The following YTHDC2 variants were observed in gnomAD, a reference collection of about 807,000 sequenced individuals.
YTHDC2 encodes the protein YTH N6-methyladenosine RNA binding protein C2.
YTHDC2 carries 45 observed loss-of-function variants against 174.9 expected under a neutral mutation model. That is an observed-to-expected ratio of 0.26 (90% confidence interval 0.20 to 0.33). YTHDC2 has a LOEUF of 0.33. Among genes scored for constraint, YTHDC2 ranks in the 10% least tolerant of loss-of-function variants. YTHDC2 has a pLI of 1.00. For synonymous variants in YTHDC2, 657 were observed against 574.5 expected, an observed-to-expected ratio of 1.14 and a Z score of -2.05; for missense variants, 1,650 against 1,723.7, an observed-to-expected ratio of 0.96 and a Z score of 0.76.
intron 8 of YTHDC2, among the ~76,000 whole-genome samples, chr5:113,540,268 A>C (rs1331281291): frequency 6.6e-6 from 1 of 152,218 alleles, no homozygotes; most frequent in Admixed American, 6.5e-5. Flanking sequence ...GGTTTTCTAC[A>C]AAGTGCTGTA....
intron 1 of YTHDC2, 197 bp downstream of exon 1, chr5:113,514,279 C>T: frequency 1.4e-6 from 1 of 725,126 alleles, no homozygotes; most frequent in Non-Finnish European, 2.5e-6. Flanking sequence ...ATGCGAGGTG[C>T]TCTGCGGATC....
chr5:113,556,069 G>T lies in YTHDC2; in HGVS notation c.2151G>T (p.Leu717=). The T allele has an allele frequency of 6.2e-7, 1 of 1,604,160 alleles. No individual in the cohort carries two copies. Among genetic ancestry groups the T allele is most frequent in the Non-Finnish European group, 8.5e-7 (1 of 1,172,550 alleles). The change falls in exon 17 of 30, where the codon CTG becomes CTT. Residue 717 remains leucine, a synonymous_variant. Transcript: ENST00000161863. ...GKVKEKSFDA[L]NFVTMLKMVW... ...TATTACAGAAATCCTTTGATGCTCT[G>T]AATTTTGTTACAATGTTAAAAATGG...
Position 113,561,094 on chromosome 5 carries a change from G to T in YTHDC2, c.2231G>T (p.Arg744Ile). ...IQRKGRAGRCRPGICFRLFSR... is the reference protein window; with the variant it reads ...IQRKGRAGRCIPGICFRLFSR... ...TTATTTTTAAGGGCAGGGCGATGTA[G>T]ACCTGGAATTTGTTTTCGTCTGTTC... The change falls in exon 18 of 30, where the codon AGA becomes ATA. Residue 744 changes from arginine to isoleucine, a missense_variant. By Grantham distance (97) the Arg-to-Ile change is moderately conservative. Coordinates refer to ENST00000161863, the MANE Select transcript of YTHDC2 (RefSeq NM_022828.5). 6.2e-7 allele frequency: 1 copy of T among 1,608,298 alleles called. No individual in the cohort carries two copies. Among genetic ancestry groups the T allele is most frequent in the Non-Finnish European group, 8.5e-7 (1 of 1,176,636 alleles).
intron 24 of YTHDC2, 32 bp downstream of exon 24, chr5:113,579,727 C>A: frequency 6.4e-7 from 1 of 1,560,750 alleles, no homozygotes; most frequent in Non-Finnish European, 8.7e-7. Context: ...TAATAAATTT[C>A]TTTCATTCAG....
At chr5:113,548,182 G>T (rs1251567512) in intron 10 of YTHDC2, among the ~76,000 whole-genome samples, 2 of 152,118 alleles carry the variant, frequency 1.3e-5, no homozygotes, top group South Asian at 4.1e-4. Flanking sequence ...ATTATGTCTT[G>T]TCATTTGGTG....
At chr5:113,570,146 G>T (rs778074885) in intron 23 of YTHDC2, among the ~76,000 whole-genome samples, 3 of 151,740 alleles carry the variant, frequency 2.0e-5, no homozygotes, top group Non-Finnish European at 2.9e-5. Flanking sequence ...ACCCAGGCTG[G>T]AGTGCAGTGG....
At chr5:113,585,946 A>G (rs1418094324) in intron 26 of YTHDC2, among the ~76,000 whole-genome samples, 1 of 152,006 alleles carries the variant, frequency 6.6e-6, no homozygotes, top group African/African-American at 2.4e-5. Flanking sequence ...AAAGTTGCTA[A>G]CATTGTACTA....
chr5:113,545,162 T>C (rs1431314766), intron 10 of YTHDC2, among the ~76,000 whole-genome samples: 1 of 152,204 alleles, frequency 6.6e-6, no homozygotes, highest in Non-Finnish European at 1.5e-5. Flanking sequence ...TTGAGGTGTC[T>C]GGGTCAATTA....
chr5:113,585,650 T>A (rs933592745), intron 26 of YTHDC2, among the ~76,000 whole-genome samples: 4 of 151,870 alleles, frequency 2.6e-5, no homozygotes, highest in African/African-American at 9.7e-5. Context: ...GAGTTTTGCC[T>A]TTTCTAGAAT....
rs776689126 is a variant in YTHDC2 at position 113,548,647 on chromosome 5, T to C, written c.1602T>C (p.His534=). 2 of 1,610,152 alleles carry C rather than the reference T, an allele frequency of 1.2e-6. No individual in the cohort carries two copies. The highest frequency in any genetic ancestry group is 1.3e-5 in the African/African-American group (1 of 74,908). The change falls in exon 11 of 30, where the codon CAT becomes CAC. Residue 534 remains histidine (H), a synonymous_variant. Transcript: ENST00000161863. ...EQLISMGANV[H]SKASNGWMAL... is the part of the protein sequence containing the mutation. ...TAATCAGTATGGGAGCCAATGTCCA[T>C]AGTAAAGCATCAAATGGCTGGTAAT...
At position 113,567,221 on chromosome 5, in the gene YTHDC2, T is replaced by C; in HGVS notation, c.2972T>C (p.Leu991Pro). The part of the protein sequence containing the change: ...PNLVHVDREN[L>P]VLTGPKEKKV... The stretch of plus-strand genomic sequence containing the variant: ...TTAGTCCACGTGGACAGAGAGAATC[T>C]AGTGTTGACAGGGCCAAAGGAGAAA... The change falls in exon 22 of 30, where the codon CTA becomes CCA. Residue 991 changes from leucine (L) to proline (P), a missense_variant. Around this residue, in one of 5 missense-constraint regions of YTHDC2, gnomAD observed 913 missense variants for 940.4 expected, o/e 0.97. Coordinates refer to ENST00000161863, the MANE Select transcript of YTHDC2 (RefSeq NM_022828.5). 2 of 1,613,726 alleles carry C rather than the reference T, an allele frequency of 1.2e-6. No individual in the cohort carries two copies. The highest frequency in any genetic ancestry group is 2.2e-5 in the South Asian group (2 of 91,062).
In YTHDC2 at chr5:113,584,379, G is replaced by C; in HGVS notation, c.3725G>C (p.Arg1242Pro). The C allele has an allele frequency of 1.2e-6, 2 of 1,613,792 alleles. No homozygotes were observed. Among genetic ancestry groups the C allele is most frequent in the Non-Finnish European group, 8.5e-7 (1 of 1,179,824 alleles). ...GATAGAGGAATTTTACATCCTAAAC[G>C]AGGTACTGAGGACCGATCAGATCAG... ...YKDRGILHPK[R>P]GTEDRSDQSS... Residue 1242 changes from arginine (R) to proline (P), a missense_variant, in exon 26 of 30, where the codon CGA becomes CCA. Physicochemically the swap from Arg to Pro is moderately radical, Grantham distance 103. Transcript: ENST00000161863.
chr5:113,543,652 T>C (rs1390381660), intron 10 of YTHDC2, among the ~76,000 whole-genome samples: 1 of 152,242 alleles, frequency 6.6e-6, no homozygotes, highest in African/African-American at 2.4e-5. Flanking sequence ...TCTCGCAGGC[T>C]TCCAGTTACA....
chr5:113,516,845 A>ACT (rs748411123), intron 2 of YTHDC2, among the ~76,000 whole-genome samples: 1 of 152,218 alleles, frequency 6.6e-6, no homozygotes, highest in Non-Finnish European at 1.5e-5. Flanking sequence ...ATGACTGCCT[A>ACT]CTACAGTGAT....
chr5:113,571,656 GT>G (rs1777727236), intron 23 of YTHDC2, among the ~76,000 whole-genome samples: 1 of 152,164 alleles, frequency 6.6e-6, no homozygotes, highest in Non-Finnish European at 1.5e-5. Flanking sequence ...TTCCAAACTT[GT>G]TATTGGTCTA....
intron 10 of YTHDC2, 103 bp from the exon 11 acceptor site, chr5:113,548,438 A>G: frequency 8.5e-7 from 1 of 1,178,386 alleles, no homozygotes; most frequent in Non-Finnish European, 1.2e-6. Context: ...TCTCAGGCTA[A>G]TTATCCTGAA....
chr5:113,551,371 ATT>A (rs1383410738), intron 12 of YTHDC2, among the ~76,000 whole-genome samples: 7 of 152,216 alleles, frequency 4.6e-5, no homozygotes, highest in African/African-American at 1.7e-4. Context: ...GATAGATCAT[ATT>A]ATCAATTATA....
intron 23 of YTHDC2, among the ~76,000 whole-genome samples, chr5:113,570,106 C>T (rs947889944): frequency 4.1e-5 from 6 of 146,032 alleles, no homozygotes; most frequent in African/African-American, 1.5e-4. Flanking sequence ...TATTTTATTT[C>T]ATTTTTTTGA....
chr5:113,548,750 A>G, intron 11 of YTHDC2, 83 bp downstream of exon 11: 2 of 1,390,664 alleles, frequency 1.4e-6, no homozygotes, highest in Non-Finnish European at 1.9e-6. Context: ...TTGTCTTTAT[A>G]TTAAAAACTA....
Sources: gnomAD v4.1 joint callset for allele counts (sites outside exome capture counted in the v4.1 genomes callset) on GRCh38, gnomAD v4.1.1 for gene constraint, gnomAD v4.1.1 regional missense constraint, MANE v1.5 for transcripts, NCBI Gene and HGNC (gene_info 2026-07-23, HGNC 2026-07-21) for gene names.